The following EEF1AKMT2 variants were observed in gnomAD, a reference collection of about 807,000 sequenced individuals.
The protein encoded by EEF1AKMT2 is eukaryotic translation elongation factor 1 alpha lysine methyltransferase 2.
A neutral mutation model predicts 35.8 loss-of-function variants in EEF1AKMT2; 32 were observed. The ratio of observed to expected loss-of-function variants is 0.89; its 90% CI spans 0.67 to 1.20. The LOEUF is 1.20. EEF1AKMT2 is among the 50% of genes most tolerant of loss of function. EEF1AKMT2 has a pLI of 0.00. For missense variants in EEF1AKMT2, 330 were observed against 347.5 expected, an observed-to-expected ratio of 0.95 and a Z score of 0.40; for synonymous variants, 121 against 133.7, an observed-to-expected ratio of 0.91 and a Z score of 0.65.
At chr10:124,769,996 T>C (rs908123215) in intron 4 of EEF1AKMT2, among the ~76,000 whole-genome samples, 24 of 151,164 alleles carry the variant, frequency 1.6e-4, no homozygotes, top group Non-Finnish European at 2.4e-4. Flanking sequence ...AAATACTTTA[T>C]TGTAGGCCAG....
At chr10:124,764,074 T>C (rs1950355849) in intron 5 of EEF1AKMT2, among the ~76,000 whole-genome samples, 1 of 152,126 alleles carries the variant, frequency 6.6e-6, no homozygotes, top group Admixed American at 6.5e-5. Context: ...ATGTATTAAG[T>C]GTTCTCCCAG....
chr10:124,783,078 G>A (rs1482049003), intron 3 of EEF1AKMT2: 2 of 262,414 alleles, frequency 7.6e-6, no homozygotes, highest in Non-Finnish European at 1.5e-5. Flanking sequence ...TGTCCACTAG[G>A]ATGGCTATAA....
At chr10:124,781,483 G>T (rs1950538872) in intron 3 of EEF1AKMT2, among the ~76,000 whole-genome samples, 1 of 151,580 alleles carries the variant, frequency 6.6e-6, no homozygotes, top group South Asian at 2.1e-4. Flanking sequence ...GGAGGCTGAG[G>T]CAGAAGAATC....
chr10:124,771,367 A>G (rs1161169723), intron 4 of EEF1AKMT2, among the ~76,000 whole-genome samples: 16 of 151,652 alleles, frequency 1.1e-4, no homozygotes, highest in Admixed American at 7.9e-4. Context: ...CCAAGATGCT[A>G]GGATTACAGG....
At chr10:124,756,806 T>C (rs1251804064), downstream of EEF1AKMT2, among the ~76,000 whole-genome samples, 2 of 152,196 alleles carry the variant, frequency 1.3e-5, no homozygotes, top group Non-Finnish European at 2.9e-5. Flanking sequence ...CTGCTTGATG[T>C]TGAGTTTCAT....
At chr10:124,765,310 A>G (rs1011812749) in intron 5 of EEF1AKMT2, 82 bp downstream of exon 5, 18 of 1,169,750 alleles carry the variant, frequency 1.5e-5, no homozygotes, top group South Asian at 8.0e-5. Context: ...GTAAAACACT[A>G]TAACACAAAA....
At chr10:124,785,117 C>A (rs1950573512) in intron 3 of EEF1AKMT2, among the ~76,000 whole-genome samples, 6 of 151,274 alleles carry the variant, frequency 4.0e-5, no homozygotes, top group Admixed American at 4.0e-4. Context: ...CGTGGTGTTG[C>A]GCTCCTGTAG....
Position 124,777,801 on chromosome 10 carries a change from G to T in EEF1AKMT2, c.292-3019C>A, listed in dbSNP as rs567739643. On this transcript the variant is annotated intron_variant, in intron 3 of 6. Coordinates refer to ENST00000368836, the MANE Select transcript of EEF1AKMT2 (RefSeq NM_212554.4). ...ACCTGCCTTGGCCTCCCAAAGTGCT[G>T]GGATTACAGGCATGAGCCACTGTGC... is the stretch of plus-strand genomic sequence containing the variant. Among the ~76,000 whole-genome samples, 656 of 152,024 alleles carry T rather than the reference G, an allele frequency of 4.3e-3. 3 individuals are homozygous for T. The highest frequency in any genetic ancestry group is 0.015 in the African/African-American group (615 of 41,458).
intron 4 of EEF1AKMT2, among the ~76,000 whole-genome samples, chr10:124,774,088 C>T (rs1489244784): frequency 6.6e-6 from 1 of 152,148 alleles, no homozygotes; most frequent in African/African-American, 2.4e-5. Flanking sequence ...TTGATGTGGG[C>T]AGGGCGCGGT....
At chr10:124,778,423 A>G (rs1386868952) in intron 3 of EEF1AKMT2, among the ~76,000 whole-genome samples, 1 of 152,136 alleles carries the variant, frequency 6.6e-6, no homozygotes, top group Non-Finnish European at 1.5e-5. Flanking sequence ...ATCTGATGAA[A>G]AACAAAAACA....
At chr10:124,756,508 A>T (rs1372908891), downstream of EEF1AKMT2, among the ~76,000 whole-genome samples, 1 of 152,256 alleles carries the variant, frequency 6.6e-6, no homozygotes, top group Non-Finnish European at 1.5e-5. Flanking sequence ...CTATAGTGAC[A>T]GCTCAAAATT....
intron 4 of EEF1AKMT2, among the ~76,000 whole-genome samples, chr10:124,771,920 G>T (rs1367734640): frequency 6.6e-6 from 1 of 152,130 alleles, no homozygotes; most frequent in African/African-American, 2.4e-5. Context: ...GCTCTTGGGT[G>T]AATTCATGCA....
At position 124,758,961 on chromosome 10, in the gene EEF1AKMT2, T is replaced by C. The variant is rs1950308006; in HGVS notation, c.*1542A>G. On this transcript the variant is annotated 3_prime_UTR_variant, in exon 7 of 7. Coordinates refer to ENST00000368836, the MANE Select transcript of EEF1AKMT2 (RefSeq NM_212554.4). ...CATGTCTTCAACTATCTTGTCTTAA[T>C]GGTTGATCAATGTTGATCTAAATGA... 3 of 152,202 alleles carry C rather than the reference T, an allele frequency of 2.0e-5. No homozygotes were observed. The highest frequency in any genetic ancestry group is 4.4e-5 in the Non-Finnish European group (3 of 68,022). The allele number at this position is 152,202 out of a possible 1,614,324, so 9.4% of individuals were successfully genotyped here. A position where few individuals can be genotyped will look rare whatever the true frequency, so the allele number is the denominator to read the frequency against.
chr10:124,785,110 G>A (rs573378008), intron 3 of EEF1AKMT2, among the ~76,000 whole-genome samples: 45 of 151,752 alleles, frequency 3.0e-4, no homozygotes, highest in African/African-American at 1.1e-3. Context: ...AGCCAGGCGT[G>A]GTGTTGCGCT....
At chr10:124,772,168 T>C (rs1014483183) in intron 4 of EEF1AKMT2, among the ~76,000 whole-genome samples, 23 of 152,152 alleles carry the variant, frequency 1.5e-4, no homozygotes, top group African/African-American at 5.6e-4. Context: ...ATTAGCCCCC[T>C]CTAACAATAA....
chr10:124,764,497 C>A (rs1950359903), intron 5 of EEF1AKMT2, among the ~76,000 whole-genome samples: 1 of 151,962 alleles, frequency 6.6e-6, no homozygotes, highest in South Asian at 2.1e-4. Context: ...ATTACAGATT[C>A]TCAGTTCTCA....
At chr10:124,771,739 G>A (rs1364043599) in intron 4 of EEF1AKMT2, among the ~76,000 whole-genome samples, 2 of 151,894 alleles carry the variant, frequency 1.3e-5, no homozygotes, top group African/African-American at 4.8e-5. Flanking sequence ...TGTGGTGGCA[G>A]GCACCTGTAG....
intron 4 of EEF1AKMT2, among the ~76,000 whole-genome samples, chr10:124,768,779 C>T (rs1299839589): frequency 6.6e-6 from 1 of 151,736 alleles, no homozygotes; most frequent in African/African-American, 2.4e-5. Context: ...ATCACTCTGG[C>T]TGCCCTGTGG....
intron 3 of EEF1AKMT2, among the ~76,000 whole-genome samples, chr10:124,784,226 A>C (rs569920768): frequency 4.6e-5 from 7 of 152,278 alleles, no homozygotes; most frequent in East Asian, 3.9e-4. Flanking sequence ...AAATCATACA[A>C]ATCATATAAG....
Sources: allele counts gnomAD v4.1 joint callset (sites outside exome capture counted in the v4.1 genomes callset), GRCh38; gene constraint gnomAD v4.1.1; transcripts MANE v1.5; gene names NCBI Gene and HGNC (gene_info 2026-07-23, HGNC 2026-07-21).